ADGRV1: variants seen among roughly 807,000 people sequenced by gnomAD.
ADGRV1 encodes adhesion G protein-coupled receptor V1, also known as G-protein coupled receptor 98.
In ADGRV1, 359 loss-of-function variants were observed where a neutral mutation model predicts 596.2. The observed-to-expected ratio is 0.60, with a 90% CI of 0.55 to 0.66. The LOEUF (loss-of-function observed/expected upper bound fraction) is 0.66, where lower values mean the gene tolerates loss of function less well. ADGRV1 is among the 30% of genes least tolerant of loss of function. The pLI is 0.00. For missense variants in ADGRV1, 7,274 were observed against 7,575.6 expected (o/e 0.96, Z 1.48); for synonymous variants, 2,681 against 2,679.2 (o/e 1.00, Z -0.02).
At chr5:90,679,696 A>G (rs919956778) in intron 26 of ADGRV1, 67 bp downstream of exon 26, 30 of 1,050,522 alleles carry the variant, frequency 2.9e-5, no homozygotes, top group Middle Eastern at 2.0e-4. Flanking sequence ...TTTAGAGACA[A>G]TACTAACCAC....
chr5:90,717,524 T>A (rs1237792662), intron 43 of ADGRV1: 1 of 136,482 alleles, frequency 7.3e-6, no homozygotes, highest in East Asian at 2.4e-4. Context: ...AAACTCCACC[T>A]CCCAGGTTCA....
intron 69 of ADGRV1, among the ~76,000 whole-genome samples, chr5:90,790,123 A>G (rs1759903331): frequency 6.6e-6 from 1 of 152,192 alleles, no homozygotes; most frequent in Non-Finnish European, 1.5e-5. Flanking sequence ...TTTACATTTT[A>G]TTGTTTGCTA....
chr5:91,156,360 G>C (rs570644425), intron 89 of ADGRV1, among the ~76,000 whole-genome samples: 6 of 152,120 alleles, frequency 3.9e-5, no homozygotes, highest in Non-Finnish European at 8.8e-5. Context: ...AGAAACTGTA[G>C]CAAGTTCAGA....
intron 1 of ADGRV1, among the ~76,000 whole-genome samples, chr5:90,603,318 C>T (rs895985271): frequency 1.5e-4 from 23 of 152,242 alleles, no homozygotes; most frequent in Admixed American, 1.2e-3. Context: ...CCTAAGTTCT[C>T]AATGTTTCCA....
intron 77 of ADGRV1, among the ~76,000 whole-genome samples, chr5:90,831,832 G>T: frequency 6.6e-6 from 1 of 152,114 alleles, no homozygotes; most frequent in East Asian, 1.9e-4. Context: ...TTTAATGTTT[G>T]TGTTTCTCTG....
intron 75 of ADGRV1, among the ~76,000 whole-genome samples, chr5:90,818,722 G>T (rs1763168170): frequency 6.6e-6 from 1 of 150,482 alleles, no homozygotes; most frequent in Non-Finnish European, 1.5e-5. Context: ...TACATTTATT[G>T]ATTTGCGTAT....
chr5:90,975,719 G>T (rs181083715), intron 84 of ADGRV1, among the ~76,000 whole-genome samples: 203 of 152,222 alleles, frequency 1.3e-3, no homozygotes, highest in African/African-American at 4.3e-3. Context: ...CGAGGGAGGG[G>T]TTAGGGAAAG....
chr5:90,982,330 G>A (rs898865421), intron 84 of ADGRV1, among the ~76,000 whole-genome samples: 4 of 152,056 alleles, frequency 2.6e-5, no homozygotes, highest in African/African-American at 9.7e-5. Flanking sequence ...CAGTTTCCAA[G>A]AACCTATTGA....
At chr5:90,644,257 G>A (rs947585885) in intron 14 of ADGRV1, among the ~76,000 whole-genome samples, 1 of 152,154 alleles carries the variant, frequency 6.6e-6, no homozygotes, top group African/African-American at 2.4e-5. Flanking sequence ...CATCCAAATA[G>A]CGAGAACCTT....
At chr5:90,654,680 A>G (rs775968959) in intron 20 of ADGRV1, 8 of 152,188 alleles carry the variant, frequency 5.3e-5, no homozygotes, top group Non-Finnish European at 7.3e-5. Context: ...TTATATGGCT[A>G]TAGCTTAATA....
At chr5:91,093,077 A>G (rs1790521992) in intron 86 of ADGRV1, among the ~76,000 whole-genome samples, 1 of 152,216 alleles carries the variant, frequency 6.6e-6, no homozygotes, top group African/African-American at 2.4e-5. Context: ...TCTTATCAGC[A>G]TTAACTAATA....
intron 83 of ADGRV1, among the ~76,000 whole-genome samples, chr5:90,916,903 A>G (rs1773434775): frequency 6.6e-6 from 1 of 152,122 alleles, no homozygotes; most frequent in South Asian, 2.1e-4. Flanking sequence ...AAGTGCTGGG[A>G]TTACAGGCGT....
chr5:90,643,122 A>G, intron 13 of ADGRV1, 81 bp downstream of exon 13: 1 of 1,226,294 alleles, frequency 8.2e-7, no homozygotes, highest in Non-Finnish European at 1.1e-6. Context: ...TATTTTGAAT[A>G]TTGGCAAAGA....
At chr5:90,761,508 C>T (rs1349215328) in intron 58 of ADGRV1, among the ~76,000 whole-genome samples, 2 of 152,200 alleles carry the variant, frequency 1.3e-5, no homozygotes, top group Admixed American at 6.5e-5. Flanking sequence ...TTTCATCAAA[C>T]TTCTGGACTT....
intron 84 of ADGRV1, among the ~76,000 whole-genome samples, chr5:90,982,277 A>G (rs113999606): frequency 2.0e-5 from 3 of 152,256 alleles, no homozygotes; most frequent in African/African-American, 4.8e-5. Context: ...CAGTTAATCT[A>G]TGGTAACGTT....
chr5:90,731,411 A>G (rs1418029329), intron 50 of ADGRV1, among the ~76,000 whole-genome samples: 2 of 152,168 alleles, frequency 1.3e-5, no homozygotes, highest in African/African-American at 4.8e-5. Context: ...ATAATTTGAC[A>G]TGAGATTTGG....
At chr5:90,897,370 C>T (rs1771431306) in intron 83 of ADGRV1, among the ~76,000 whole-genome samples, 1 of 151,938 alleles carries the variant, frequency 6.6e-6, no homozygotes, top group Non-Finnish European at 1.5e-5. Context: ...TTAATTTTGT[C>T]CTTGTTTCAC....
Position 90,808,072 on chromosome 5 carries a change from G to GAGTAAGAATAAGATTA in ADGRV1, c.14972+349_14972+364dup, listed in dbSNP as rs1762078398. Among the ~76,000 whole-genome samples, 3 of 152,208 alleles carry GAGTAAGAATAAGATTA rather than the reference G, an allele frequency of 2.0e-5. No individual in the cohort carries two copies. The South Asian group carries it at 6.2e-4, about 32-fold the overall frequency. ...ATACCTGATTGCCCCAAGTGATTAAGAGTAAGAATAAGATTAAGTAAGAAT... is the reference window on the plus strand; with the variant it reads ...ATACCTGATTGCCCCAAGTGATTAAGAGTAAGAATAAGATTAAGTAAGAATAAGATTAAGTAAGAAT... On this transcript the variant is annotated intron_variant, in intron 73 of 89. Transcript: ENST00000405460.
intron 9 of ADGRV1, chr5:90,630,587 G>A (rs762516055): frequency 2.8e-4 from 43 of 152,142 alleles, no homozygotes; most frequent in Non-Finnish European, 5.3e-4. Context: ...ATTAAATACA[G>A]AATCAGGTAG....
Sources: allele counts gnomAD v4.1 joint callset (sites outside exome capture counted in the v4.1 genomes callset), GRCh38; gene constraint gnomAD v4.1.1; transcripts MANE v1.5; gene names NCBI Gene and HGNC (gene_info 2026-07-23, HGNC 2026-07-21).